Variants in CAMK1D observed in about 807,000 individuals in gnomAD.
CAMK1D encodes calcium/calmodulin dependent protein kinase ID, also known as calcium/calmodulin-dependent protein kinase type 1D.
Under a neutral mutation model 47.7 loss-of-function variants are expected in CAMK1D, and 9 were observed. The observed-to-expected ratio is 0.19, with a 90% CI of 0.11 to 0.33. The LOEUF is 0.33. Among genes scored for constraint, CAMK1D ranks in the 10% least tolerant of loss-of-function variants. CAMK1D has a pLI of 1.00. For missense variants in CAMK1D, 291 were observed against 488.7 expected, an observed-to-expected ratio of 0.60 and a Z score of 3.81; for synonymous variants, 184 against 184.9, an observed-to-expected ratio of 0.99 and a Z score of 0.04.
intron 3 of CAMK1D, among the ~76,000 whole-genome samples, chr10:12,707,605 C>CT (rs1833773877): frequency 3.3e-5 from 5 of 152,168 alleles, no homozygotes; most frequent in Admixed American, 3.3e-4. Context: ...AAATAGAGAG[C>CT]TAGGGAAGGG....
At chr10:12,401,456 G>T (rs1325548244) in intron 1 of CAMK1D, among the ~76,000 whole-genome samples, 3 of 148,798 alleles carry the variant, frequency 2.0e-5, no homozygotes, top group African/African-American at 5.0e-5. Context: ...TACTTAATCA[G>T]TCTGAGCCTC....
intron 10 of CAMK1D, among the ~76,000 whole-genome samples, chr10:12,827,660 C>T (rs1264973183): frequency 1.1e-5 from 1 of 95,198 alleles, no homozygotes. Flanking sequence ...CCTCTCTCCT[C>T]TCTCCCTTCT....
intron 1 of CAMK1D, among the ~76,000 whole-genome samples, chr10:12,429,313 A>G (rs1293938577): frequency 6.6e-6 from 1 of 151,814 alleles, no homozygotes; most frequent in African/African-American, 2.4e-5. Context: ...CAAATGTCCC[A>G]TGCTCTCTTC....
intron 3 of CAMK1D, among the ~76,000 whole-genome samples, chr10:12,708,778 C>T (rs940976229): frequency 5.3e-5 from 8 of 152,160 alleles, no homozygotes; most frequent in African/African-American, 1.4e-4. Flanking sequence ...TCCTAATCTA[C>T]GATATTATTG....
chr10:12,751,637 A>G (rs1835990468), intron 3 of CAMK1D, among the ~76,000 whole-genome samples: 1 of 152,164 alleles, frequency 6.6e-6, no homozygotes, highest in Admixed American at 6.5e-5. Flanking sequence ...AGGTGCTAAG[A>G]GCGAATGTAT....
At chr10:12,587,814 G>A (rs560453316) in intron 2 of CAMK1D, among the ~76,000 whole-genome samples, 11 of 152,198 alleles carry the variant, frequency 7.2e-5, no homozygotes, top group African/African-American at 2.2e-4. Flanking sequence ...TAGCATCTCC[G>A]TAGATTTGTT....
At chr10:12,696,071 A>T (rs1411087627) in intron 3 of CAMK1D, among the ~76,000 whole-genome samples, 1 of 151,896 alleles carries the variant, frequency 6.6e-6, no homozygotes, top group Non-Finnish European at 1.5e-5. Context: ...CCTGGGCAAC[A>T]AGAGTTAAAC....
intron 2 of CAMK1D, among the ~76,000 whole-genome samples, chr10:12,598,903 A>ATG (rs1838222631): frequency 6.6e-6 from 1 of 152,214 alleles, no homozygotes. Context: ...GATGTGTGTG[A>ATG]TGTGATGTAA....
chr10:12,457,358 T>G (rs537849230), intron 1 of CAMK1D, among the ~76,000 whole-genome samples: 2 of 151,042 alleles, frequency 1.3e-5, no homozygotes, highest in East Asian at 3.9e-4. Flanking sequence ...GCCACTGCCC[T>G]CCAGCCTGGG....
At chr10:12,392,634 T>G (rs1838775894) in intron 1 of CAMK1D, among the ~76,000 whole-genome samples, 1 of 152,256 alleles carries the variant, frequency 6.6e-6, no homozygotes, top group Non-Finnish European at 1.5e-5. Flanking sequence ...TATGTATTAC[T>G]TAACATACTT....
intron 2 of CAMK1D, among the ~76,000 whole-genome samples, chr10:12,654,138 T>G (rs1184853151): frequency 6.6e-6 from 1 of 152,202 alleles, no homozygotes; most frequent in Non-Finnish European, 1.5e-5. Flanking sequence ...CTTCCTGAAT[T>G]CAAGCCCAGC....
chr10:12,542,992 A>G (rs115732000), intron 1 of CAMK1D, among the ~76,000 whole-genome samples: 75 of 150,604 alleles, frequency 5.0e-4, no homozygotes, highest in African/African-American at 1.8e-3. Flanking sequence ...GTGATTCCCC[A>G]CTCCTCGGCC....
At chr10:12,763,755 C>A (rs1403949425) in intron 4 of CAMK1D, among the ~76,000 whole-genome samples, 4 of 152,136 alleles carry the variant, frequency 2.6e-5, no homozygotes, top group African/African-American at 9.7e-5. Flanking sequence ...GTGTTGATTC[C>A]GATCTTATTA....
intron 2 of CAMK1D, among the ~76,000 whole-genome samples, chr10:12,560,452 C>G (rs996661020): frequency 6.6e-6 from 1 of 151,112 alleles, no homozygotes; most frequent in African/African-American, 2.4e-5. Context: ...ACTCGGGAGC[C>G]TGAGACAGGA....
chr10:12,537,036 C>G (rs1406454095), intron 1 of CAMK1D, among the ~76,000 whole-genome samples: 1 of 152,068 alleles, frequency 6.6e-6, no homozygotes, highest in Non-Finnish European at 1.5e-5. Context: ...TAAACTTTTA[C>G]TAGGAATCTC....
At position 12,819,167 on chromosome 10, in the gene CAMK1D, C is replaced by T. The variant is rs5009339; in HGVS notation, c.833+2839C>T. 7.3e-3 allele frequency among the ~76,000 whole-genome samples: 1,116 copies of T among 152,206 alleles called. 15 individuals carry two copies. Among genetic ancestry groups the T allele is most frequent in the African/African-American group, 0.026 (1,064 of 41,522 alleles). On this transcript the variant is annotated intron_variant, in intron 8 of 10. Coordinates refer to ENST00000619168, the MANE Select transcript of CAMK1D (RefSeq NM_153498.4). Reference sequence around the variant, plus strand: ...CAAAGAAGGGAGAGGTCAGTTTTCCCGAGGAGGCTGGGAGAGGGGCACAGA... The same window carrying T: ...CAAAGAAGGGAGAGGTCAGTTTTCCTGAGGAGGCTGGGAGAGGGGCACAGA...
intron 3 of CAMK1D, among the ~76,000 whole-genome samples, chr10:12,691,740 C>A (rs946285344): frequency 6.6e-6 from 1 of 151,960 alleles, no homozygotes; most frequent in African/African-American, 2.4e-5. Flanking sequence ...CATGAGCCAC[C>A]GCATCTGCTC....
At chr10:12,435,077 G>A (rs1016198307) in intron 1 of CAMK1D, among the ~76,000 whole-genome samples, 1 of 152,018 alleles carries the variant, frequency 6.6e-6, no homozygotes, top group Non-Finnish European at 1.5e-5. Context: ...AATTAGCTAG[G>A]TGTGGTGGTG....
rs1189473180 is a variant in CAMK1D, at chr10:12,722,934, G to A, written c.300-38014G>A. Among the ~76,000 whole-genome samples the A allele has an allele frequency of 4.6e-5, 7 of 152,284 alleles. No individual in the cohort carries two copies. In the East Asian group the frequency reaches 9.6e-4, roughly 21 times the overall value. ...AAGTGTTCATTAGTATATCTCTAAC[G>A]GAGGTATAATCGGTGCTCTCGGGGC... On this transcript the variant is annotated intron_variant, in intron 3 of 10. Coordinates refer to ENST00000619168, the MANE Select transcript of CAMK1D (RefSeq NM_153498.4).
Sources: gnomAD v4.1 joint callset for allele counts (sites outside exome capture counted in the v4.1 genomes callset) on GRCh38, gnomAD v4.1.1 for gene constraint, MANE v1.5 for transcripts, NCBI Gene and HGNC (gene_info 2026-07-23, HGNC 2026-07-21) for gene names.